Variants in NEGR1 observed in about 807,000 individuals in gnomAD.
NEGR1 encodes IgLON family member 4.
In NEGR1, 10 loss-of-function variants were observed where a neutral mutation model predicts 40.9. That is an observed-to-expected ratio of 0.24 (90% CI 0.15 to 0.42). The LOEUF is 0.42. NEGR1 is among the 10% of genes least tolerant of loss of function. The probability of loss-of-function intolerance (pLI) is 1.00; values close to 1 mark genes in which losing one functional copy is unlikely to be tolerated. For missense variants in NEGR1, 352 were observed against 438.9 expected, an observed-to-expected ratio of 0.80 and a Z score of 1.77; for synonymous variants, 185 against 166.8, an observed-to-expected ratio of 1.11 and a Z score of -0.84.
intron 2 of NEGR1, among the ~76,000 whole-genome samples, chr1:71,797,410 T>C (rs968940344): frequency 3.3e-5 from 5 of 152,160 alleles, no homozygotes; most frequent in Non-Finnish European, 7.4e-5. Context: ...ATATCCAATA[T>C]GAAATCTAAG....
intron 1 of NEGR1, among the ~76,000 whole-genome samples, chr1:72,105,119 T>C (rs566034429): frequency 6.6e-6 from 1 of 152,204 alleles, no homozygotes; most frequent in East Asian, 1.9e-4. Context: ...TCACAATAGT[T>C]AAAGACAATA....
intron 1 of NEGR1, among the ~76,000 whole-genome samples, chr1:72,124,720 G>A (rs1039432358): frequency 6.6e-5 from 10 of 151,852 alleles, no homozygotes; most frequent in South Asian, 2.1e-4. Context: ...TTGGCTGTTC[G>A]GCATTGGATA....
intron 3 of NEGR1, among the ~76,000 whole-genome samples, chr1:71,742,925 GATAGAGGCCATGAAGTC>G (rs2101678181): frequency 6.6e-6 from 1 of 152,258 alleles, no homozygotes; most frequent in Admixed American, 6.5e-5. Flanking sequence ...CTCCCAGTGT[GATAGAGGCCATGAAGTC>G]ATGTGGGTGG....
intron 1 of NEGR1, among the ~76,000 whole-genome samples, chr1:72,076,493 A>G (rs1451779576): frequency 2.6e-5 from 4 of 151,586 alleles, no homozygotes; most frequent in Non-Finnish European, 4.4e-5. Flanking sequence ...TACAACAGAA[A>G]CATTCCCCCC....
chr1:71,739,214 AAAAC>A (rs554994096), intron 3 of NEGR1, among the ~76,000 whole-genome samples: 1,676 of 148,782 alleles, frequency 0.011, 38 homozygotes, highest in African/African-American at 0.041. Context: ...AAAAAAAAAA[AAAAC>A]AAAAAAAAAA....
At chr1:71,970,843 A>G (rs753108948) in intron 1 of NEGR1, among the ~76,000 whole-genome samples, 29 of 152,192 alleles carry the variant, frequency 1.9e-4, no homozygotes, top group Non-Finnish European at 3.7e-4. Flanking sequence ...AATCATACAC[A>G]TTCAAGGGGA....
chr1:71,700,163 A>G (rs1653639055), intron 3 of NEGR1, among the ~76,000 whole-genome samples: 1 of 151,976 alleles, frequency 6.6e-6, no homozygotes, highest in South Asian at 2.1e-4. Flanking sequence ...ACCTTTTTAA[A>G]TTTTTATTAT....
At chr1:71,859,721 C>A (rs1659887650) in intron 2 of NEGR1, among the ~76,000 whole-genome samples, 1 of 152,060 alleles carries the variant, frequency 6.6e-6, no homozygotes, top group Non-Finnish European at 1.5e-5. Context: ...CTTCTTGCCA[C>A]ATTTGGGGAT....
chr1:71,505,017 A>C (rs1647022788), intron 6 of NEGR1, among the ~76,000 whole-genome samples: 1 of 152,184 alleles, frequency 6.6e-6, no homozygotes, highest in African/African-American at 2.4e-5. Flanking sequence ...ACACCCTTAC[A>C]GATTAAACTA....
intron 6 of NEGR1, among the ~76,000 whole-genome samples, chr1:71,511,240 G>A (rs905616409): frequency 6.6e-6 from 1 of 152,200 alleles, no homozygotes; most frequent in Admixed American, 6.5e-5. Flanking sequence ...CCTTGCTGAA[G>A]TAAGTTTTGA....
intron 3 of NEGR1, among the ~76,000 whole-genome samples, chr1:71,741,246 T>A (rs538893539): frequency 1.3e-5 from 2 of 152,330 alleles, no homozygotes; most frequent in East Asian, 1.9e-4. Context: ...CAAAGTTGCA[T>A]TAAGAGCTTA....
chr1:71,612,243 G>A (rs1158919846), intron 4 of NEGR1, among the ~76,000 whole-genome samples: 1 of 152,116 alleles, frequency 6.6e-6, no homozygotes, highest in Admixed American at 6.5e-5. Flanking sequence ...AAACAAAAAA[G>A]AAATGTATTG....
At chr1:72,009,830 G>A (rs1646640751) in intron 1 of NEGR1, among the ~76,000 whole-genome samples, 1 of 152,062 alleles carries the variant, frequency 6.6e-6, no homozygotes, top group Non-Finnish European at 1.5e-5. Flanking sequence ...CTTAGAGAAT[G>A]AATGAAATCC....
intron 1 of NEGR1, among the ~76,000 whole-genome samples, chr1:72,042,364 A>C (rs1646963978): frequency 6.6e-6 from 1 of 151,888 alleles, no homozygotes; most frequent in African/African-American, 2.4e-5. Flanking sequence ...GAGAACCCAC[A>C]GAAACTATAG....
At chr1:71,871,789 CTG>C (rs1284024969) in intron 2 of NEGR1, among the ~76,000 whole-genome samples, 2 of 152,160 alleles carry the variant, frequency 1.3e-5, no homozygotes, top group African/African-American at 4.8e-5. Flanking sequence ...ACTTAACTCT[CTG>C]TACTATCTAC....
intron 1 of NEGR1, among the ~76,000 whole-genome samples, chr1:72,228,584 T>A (rs1041105746): frequency 2.6e-5 from 4 of 152,136 alleles, no homozygotes; most frequent in African/African-American, 9.6e-5. Context: ...TGGAGAACCC[T>A]AATCAGTACA....
At chr1:71,431,889 G>A (rs576861903) in intron 6 of NEGR1, among the ~76,000 whole-genome samples, 1 of 152,242 alleles carries the variant, frequency 6.6e-6, no homozygotes, top group Non-Finnish European at 1.5e-5. Context: ...GTAATGAGAT[G>A]AGCTATGAAA....
Position 71,486,544 on chromosome 1 carries a change from A to G in NEGR1, c.941-78974T>C, listed in dbSNP as rs1382298993. On this transcript the variant is annotated intron_variant, in intron 6 of 6. Transcript: ENST00000357731. ...CACATTCTCAAACAAGGTGACAATTAGGTTCAAATATCGTCTTTGAAACAC... is the reference window on the plus strand; with the variant it reads ...CACATTCTCAAACAAGGTGACAATTGGGTTCAAATATCGTCTTTGAAACAC... 1.1e-4 allele frequency: 16 copies of G among 151,558 alleles called. 1 individual carries two copies. The highest frequency in any genetic ancestry group is 1.1e-3 in the Admixed American group (16 of 15,160). The allele number at this position is 151,558 out of a possible 1,614,324, so 9.4% of individuals were successfully genotyped here.
rs533646107 is a variant in NEGR1 at position 72,170,524 on chromosome 1, T to C, written c.176+111795A>G. Among the ~76,000 whole-genome samples the C allele has an allele frequency of 4.6e-5, 7 of 152,272 alleles. No homozygotes were observed. The South Asian group carries it at 1.4e-3, about 32-fold the overall frequency. ...CTGGAATGAGCAGCTAAATGTAAGCTTTATCATTCTTGAAATTCAGAAGCT... is the reference window on the plus strand; with the variant it reads ...CTGGAATGAGCAGCTAAATGTAAGCCTTATCATTCTTGAAATTCAGAAGCT... On this transcript the variant is annotated intron_variant, in intron 1 of 6. Coordinates refer to ENST00000357731, the MANE Select transcript of NEGR1 (RefSeq NM_173808.3).
Sources: allele counts gnomAD v4.1 joint callset (sites outside exome capture counted in the v4.1 genomes callset), GRCh38; gene constraint gnomAD v4.1.1; transcripts MANE v1.5; gene names NCBI Gene and HGNC (gene_info 2026-07-23, HGNC 2026-07-21).